Variants in CLN3 observed in about 807,000 individuals in gnomAD.
CLN3 encodes CLN3 lysosomal/endosomal transmembrane protein, battenin.
CLN3 carries 49 observed loss-of-function variants against 60.7 expected under a neutral mutation model. The ratio of observed to expected loss-of-function variants is 0.81; its 90% confidence interval spans 0.64 to 1.02. CLN3 has a LOEUF of 1.02. Ranked by LOEUF, CLN3 falls within the 50% of genes least tolerant of loss-of-function variation. The pLI is 0.00. For missense variants in CLN3, 516 were observed against 557.4 expected (o/e 0.93, Z 0.75); for synonymous variants, 256 against 245.8 (o/e 1.04, Z -0.39).
intron 3 of CLN3, 74 bp from the exon 4 acceptor site, chr16:28,489,460 C>T: frequency 9.7e-7 from 1 of 1,029,774 alleles, no homozygotes; most frequent in Non-Finnish European, 1.5e-6. Flanking sequence ...CAAACCTTCC[C>T]TTACCTGTGC....
At chr16:28,479,492 C>G (rs1040252507) in intron 14 of CLN3, 2 of 152,718 alleles carry the variant, frequency 1.3e-5, no homozygotes, top group African/African-American at 4.8e-5. Flanking sequence ...GAGGCTGAGG[C>G]AGAAGAATCG....
intron 5 of CLN3, chr16:28,488,338 A>AT (rs1168358168): frequency 4.5e-5 from 9 of 200,640 alleles, no homozygotes; most frequent in Non-Finnish European, 6.8e-5. Context: ...ATATATATAT[A>AT]TTTTTTAATT....
chr16:28,473,513 G>A (rs779659850), downstream of CLN3, among the ~76,000 whole-genome samples: 30 of 152,184 alleles, frequency 2.0e-4, no homozygotes, highest in Non-Finnish European at 3.4e-4. Context: ...ACAGGCATGA[G>A]CCACTGCACC....
chr16:28,479,162 C>A (rs1193354281), intron 14 of CLN3, among the ~76,000 whole-genome samples: 1 of 152,182 alleles, frequency 6.6e-6, no homozygotes, highest in Admixed American at 6.5e-5. Context: ...TAGGCCTCCT[C>A]GTGGCGGTTC....
intron 10 of CLN3, among the ~76,000 whole-genome samples, chr16:28,483,202 C>T (rs972365348): frequency 4.6e-5 from 7 of 152,110 alleles, no homozygotes; most frequent in African/African-American, 1.7e-4. Flanking sequence ...GGTGAGACCT[C>T]TTCACGTCTC....
At chr16:28,480,923 G>C (rs2046078781) in intron 14 of CLN3, among the ~76,000 whole-genome samples, 1 of 152,120 alleles carries the variant, frequency 6.6e-6, no homozygotes, top group Admixed American at 6.6e-5. Context: ...CCACCCTCAA[G>C]ATAAATAACC....
intron 14 of CLN3, among the ~76,000 whole-genome samples, chr16:28,480,593 G>A (rs983794239): frequency 1.3e-5 from 2 of 151,922 alleles, no homozygotes; most frequent in African/African-American, 4.8e-5. Context: ...TAGAGACGGG[G>A]TTTCACTGTG....
At position 28,486,510 on chromosome 16, in the gene CLN3, A is replaced by T. The variant is rs1209961868; in HGVS notation, c.534-20T>A. The T allele has an allele frequency of 2.5e-6, 4 of 1,610,664 alleles. No individual in the cohort carries two copies. The highest frequency in any genetic ancestry group is 2.5e-6 in the Non-Finnish European group (3 of 1,178,484). ...ACGGCCCTGGGAAGGAGAACACAGG[A>T]ACATTCAGGAGGACCTAGGCTGACC... On this transcript the variant is annotated intron_variant, in intron 8 of 15. Coordinates refer to ENST00000636147, the MANE Select transcript of CLN3 (RefSeq NM_001042432.2).
chr16:28,478,506 C>T (rs1186144548), intron 14 of CLN3, among the ~76,000 whole-genome samples: 1 of 150,690 alleles, frequency 6.6e-6, no homozygotes, highest in Non-Finnish European at 1.5e-5. Context: ...GTCCCAGCTA[C>T]TCGGGAGTCT....
intron 14 of CLN3, 34 bp downstream of exon 14, chr16:28,482,071 G>C (rs1254722737): frequency 6.5e-7 from 1 of 1,548,846 alleles, no homozygotes; most frequent in South Asian, 1.1e-5. Flanking sequence ...TGGGAGCCAA[G>C]GTGGGAGTGA....
At chr16:28,481,452 A>ACACG (rs899235845) in intron 14 of CLN3, among the ~76,000 whole-genome samples, 14 of 117,758 alleles carry the variant, frequency 1.2e-4, no homozygotes, top group African/African-American at 3.7e-4. Context: ...ACACACACAC[A>ACACG]CGCACACACA....
At position 28,477,354 on chromosome 16, in the gene CLN3, G is replaced by GC; in HGVS notation, c.*161dup. 1.1e-6 allele frequency: 1 copy of GC among 878,734 alleles called. No individual in the cohort carries two copies. The highest frequency in any genetic ancestry group is 1.8e-6 in the Non-Finnish European group (1 of 554,246). 54.4% of individuals were successfully genotyped at this position (878,734 alleles called of 1,614,324 possible). The stretch of plus-strand genomic sequence containing the variant: ...CTCCCCAAGTGGGAGACAATGGCTG[G>GC]CCCCCCTGCAAGGGAAACAAGGCTT... On this transcript the variant is annotated 3_prime_UTR_variant, in exon 16 of 16. Coordinates refer to ENST00000636147, the MANE Select transcript of CLN3 (RefSeq NM_001042432.2).
chr16:28,481,137 G>T (rs998976770), intron 14 of CLN3, among the ~76,000 whole-genome samples: 11 of 151,954 alleles, frequency 7.2e-5, no homozygotes, highest in Admixed American at 7.2e-4. Context: ...TGGGAGACAG[G>T]GTCTCGCTCT....
intron 14 of CLN3, 72 bp downstream of exon 14, chr16:28,482,032 AG>A: frequency 9.4e-7 from 1 of 1,065,694 alleles, no homozygotes. Flanking sequence ...AGTGGGAAGC[AG>A]GGGGTTTGGG....
At chr16:28,470,268 G>A (rs370862345), downstream of CLN3, 2,347 of 1,272,180 alleles carry the variant, frequency 1.8e-3, 67 homozygotes, top group South Asian at 0.028. Flanking sequence ...TGCCCACCTC[G>A]GCCCCCTAAA....
intron 7 of CLN3, 104 bp from the exon 8 acceptor site, chr16:28,486,754 C>A: frequency 9.1e-7 from 1 of 1,100,430 alleles, no homozygotes; most frequent in Non-Finnish European, 1.3e-6. Context: ...CTCATAGAGG[C>A]TCCAATAGAT....
chr16:28,476,700 A>G (rs2045999814), downstream of CLN3: 1 of 152,342 alleles, frequency 6.6e-6, no homozygotes, highest in Admixed American at 6.5e-5. Flanking sequence ...AACATAGAAC[A>G]GGGTGGCGCA....
chr16:28,490,098 C>A (rs1438902642), intron 3 of CLN3, among the ~76,000 whole-genome samples: 3 of 147,324 alleles, frequency 2.0e-5, no homozygotes, highest in Non-Finnish European at 4.5e-5. Flanking sequence ...CAGAGAGTTT[C>A]TGGGAGAGGC....
At chr16:28,470,720 GAGA>G (rs1320686503), downstream of CLN3, among the ~76,000 whole-genome samples, 2 of 150,868 alleles carry the variant, frequency 1.3e-5, no homozygotes, top group Non-Finnish European at 3.0e-5. Flanking sequence ...GGTGGAGGAG[GAGA>G]AGAAGAAAGG....
Sources: allele counts gnomAD v4.1 joint callset (sites outside exome capture counted in the v4.1 genomes callset), GRCh38; gene constraint gnomAD v4.1.1; transcripts MANE v1.5; gene names NCBI Gene and HGNC (gene_info 2026-07-23, HGNC 2026-07-21).